PPP2R2B: variants seen among roughly 807,000 people sequenced by gnomAD.
PPP2R2B encodes protein phosphatase 2 regulatory subunit Bbeta.
In PPP2R2B, 5 loss-of-function variants were observed where a neutral mutation model predicts 46.0. The observed-to-expected ratio is 0.11, with a 90% CI of 0.06 to 0.23. The LOEUF (loss-of-function observed/expected upper bound fraction) is 0.23. Ranked by LOEUF, PPP2R2B falls within the 10% of genes least tolerant of loss-of-function variation. PPP2R2B has a pLI of 1.00. For missense variants in PPP2R2B, 367 were observed against 575.0 expected, an observed-to-expected ratio of 0.64 and a Z score of 3.70; for synonymous variants, 215 against 206.7, an observed-to-expected ratio of 1.04 and a Z score of -0.34.
intron 7 of PPP2R2B, among the ~76,000 whole-genome samples, chr5:146,619,475 A>G (rs2151052439): frequency 1.3e-5 from 2 of 152,224 alleles, no homozygotes; most frequent in South Asian, 4.1e-4. Context: ...CAAAATACAA[A>G]CAAACAAAAC....
intron 1 of PPP2R2B, among the ~76,000 whole-genome samples, chr5:147,047,213 G>A (rs1044476161): frequency 6.6e-6 from 1 of 152,026 alleles, no homozygotes; most frequent in African/African-American, 2.4e-5. Flanking sequence ...CTGGATAGGA[G>A]GGATAAGTTC....
At chr5:146,734,494 C>G (rs1010740902) in intron 2 of PPP2R2B, among the ~76,000 whole-genome samples, 1 of 152,210 alleles carries the variant, frequency 6.6e-6, no homozygotes, top group East Asian at 1.9e-4. Context: ...TATGGTCCTA[C>G]AACTCAATAG....
intron 2 of PPP2R2B, among the ~76,000 whole-genome samples, chr5:146,817,019 T>C (rs1011299250): frequency 6.6e-6 from 1 of 152,228 alleles, no homozygotes; most frequent in Non-Finnish European, 1.5e-5. Flanking sequence ...ACCAAGACCC[T>C]GGAGGCTTGT....
At chr5:146,930,522 A>G (rs1401934229) in intron 1 of PPP2R2B, among the ~76,000 whole-genome samples, 1 of 152,144 alleles carries the variant, frequency 6.6e-6, no homozygotes, top group East Asian at 1.9e-4. Context: ...GGGAAGAGAG[A>G]GGCAATGATC....
intron 2 of PPP2R2B, among the ~76,000 whole-genome samples, chr5:146,800,900 T>G (rs1440421318): frequency 6.6e-6 from 1 of 151,374 alleles, no homozygotes; most frequent in African/African-American, 2.4e-5. Context: ...ATGAAGAAAA[T>G]GTGGGGTATG....
chr5:147,047,969 C>G (rs1392036034), intron 1 of PPP2R2B, among the ~76,000 whole-genome samples: 4 of 152,112 alleles, frequency 2.6e-5, no homozygotes, highest in African/African-American at 9.7e-5. Flanking sequence ...TTGTTGAGTT[C>G]TTACCTCTGA....
chr5:146,607,608 T>C (rs1359617158), intron 7 of PPP2R2B: 2 of 152,270 alleles, frequency 1.3e-5, no homozygotes, highest in Admixed American at 6.5e-5. Context: ...CTGCATCTAC[T>C]ATACTTCTTT....
At chr5:147,078,685 G>A (rs1757873701) in intron 2 of PPP2R2B, among the ~76,000 whole-genome samples, 1 of 151,896 alleles carries the variant, frequency 6.6e-6, no homozygotes. Context: ...GTGGGTGCCT[G>A]TAGTCTCAGC....
intron 2 of PPP2R2B, among the ~76,000 whole-genome samples, chr5:146,876,614 G>A (rs535431668): frequency 1.3e-5 from 2 of 152,154 alleles, no homozygotes; most frequent in South Asian, 2.1e-4. Context: ...AAAAAGAATC[G>A]GTAAGTATGG....
At chr5:146,776,004 T>A (rs1034545571) in intron 2 of PPP2R2B, among the ~76,000 whole-genome samples, 1 of 152,098 alleles carries the variant, frequency 6.6e-6, no homozygotes, top group South Asian at 2.1e-4. Flanking sequence ...ACACATTCAG[T>A]GTTCATGGAT....
chr5:146,602,988 A>G (rs1193488778), intron 7 of PPP2R2B, among the ~76,000 whole-genome samples: 1 of 152,210 alleles, frequency 6.6e-6, no homozygotes, highest in Non-Finnish European at 1.5e-5. Flanking sequence ...CACCTGATCC[A>G]GAGGCAGTAA....
At chr5:146,738,723 A>G (rs1181378271) in intron 2 of PPP2R2B, among the ~76,000 whole-genome samples, 2 of 152,216 alleles carry the variant, frequency 1.3e-5, no homozygotes, top group South Asian at 2.1e-4. Flanking sequence ...AGATGTCGTT[A>G]AAGTTCTAAT....
intron 2 of PPP2R2B, among the ~76,000 whole-genome samples, chr5:146,724,478 G>C (rs1295160858): frequency 6.6e-6 from 1 of 152,114 alleles, no homozygotes; most frequent in African/African-American, 2.4e-5. Context: ...GACTCACAGG[G>C]AACACTGAAC....
chr5:146,948,827 C>A (rs1764567450), intron 1 of PPP2R2B, among the ~76,000 whole-genome samples: 1 of 152,006 alleles, frequency 6.6e-6, no homozygotes, highest in East Asian at 1.9e-4. Context: ...AAATAAGTAA[C>A]TATAATTGAG....
chr5:147,017,061 C>G (rs1165427537), intron 1 of PPP2R2B, among the ~76,000 whole-genome samples: 2 of 151,476 alleles, frequency 1.3e-5, no homozygotes, highest in Non-Finnish European at 2.9e-5. Flanking sequence ...GAGGCTAGAT[C>G]TGAGGAATAC....
At chr5:146,994,628 G>A (rs561784159) in intron 1 of PPP2R2B, among the ~76,000 whole-genome samples, 1 of 152,236 alleles carries the variant, frequency 6.6e-6, no homozygotes, top group East Asian at 1.9e-4. Flanking sequence ...ACAGTCCTTG[G>A]TTGAGGCTGC....
intron 8 of PPP2R2B, 102 bp downstream of exon 8, chr5:146,600,189 G>T: frequency 8.0e-7 from 1 of 1,248,174 alleles, no homozygotes; most frequent in Non-Finnish European, 1.1e-6. Flanking sequence ...ACCATGCATT[G>T]CCTTCCATTT....
At chr5:146,735,579 A>G in intron 2 of PPP2R2B, among the ~76,000 whole-genome samples, 1 of 150,474 alleles carries the variant, frequency 6.6e-6, no homozygotes, top group Non-Finnish European at 1.5e-5. Flanking sequence ...GGATGGGGGA[A>G]AAAAAGAGTC....
chr5:146,846,418 G>A (rs1048585254), intron 2 of PPP2R2B, among the ~76,000 whole-genome samples: 6 of 151,678 alleles, frequency 4.0e-5, no homozygotes, highest in African/African-American at 1.2e-4. Flanking sequence ...AGTGGCTCAC[G>A]CCTGTAATCC....
Sources: allele counts gnomAD v4.1 joint callset (sites outside exome capture counted in the v4.1 genomes callset), GRCh38; gene constraint gnomAD v4.1.1; transcripts MANE v1.5; gene names NCBI Gene and HGNC (gene_info 2026-07-23, HGNC 2026-07-21).